The following RAB31 variants were observed in gnomAD, a reference collection of about 807,000 sequenced individuals.
The protein encoded by RAB31 is ras-related protein Rab-31.
RAB31 carries 21 observed loss-of-function variants against 25.6 expected under a neutral mutation model. That is an observed-to-expected ratio of 0.82 (90% CI 0.58 to 1.18). RAB31 has a LOEUF of 1.18. Ranked by LOEUF, RAB31 falls within the 50% of genes most tolerant of loss-of-function variation. The probability of loss-of-function intolerance (pLI) is 0.00; values close to 1 mark genes in which losing one functional copy is unlikely to be tolerated. For missense variants in RAB31, 196 were observed against 250.1 expected, an observed-to-expected ratio of 0.78 and a Z score of 1.46; for synonymous variants, 87 against 84.0, an observed-to-expected ratio of 1.04 and a Z score of -0.20.
intron 1 of RAB31, among the ~76,000 whole-genome samples, chr18:9,744,195 A>C (rs932421895): frequency 6.6e-6 from 1 of 152,232 alleles, no homozygotes; most frequent in Non-Finnish European, 1.5e-5. Flanking sequence ...CATTGTGTAG[A>C]GCATACCCTT....
intron 3 of RAB31, among the ~76,000 whole-genome samples, chr18:9,805,157 G>A (rs1211054025): frequency 3.3e-5 from 5 of 151,890 alleles, no homozygotes; most frequent in South Asian, 2.1e-4. Context: ...TCAGGAGACC[G>A]AGACAGGAGG....
At chr18:9,812,687 CTATTTTTTTTT>C (rs1258359073) in intron 3 of RAB31, among the ~76,000 whole-genome samples, 12 of 100,900 alleles carry the variant, frequency 1.2e-4, no homozygotes, top group Non-Finnish European at 2.1e-4. Flanking sequence ...CTCCAGGATA[CTATTTTTTTTT>C]TTTTTTTTTT....
intron 5 of RAB31, among the ~76,000 whole-genome samples, chr18:9,818,310 T>C (rs2068609263): frequency 6.6e-6 from 1 of 152,230 alleles, no homozygotes. Flanking sequence ...TCATCTCATA[T>C]CTAATTTTAG....
chr18:9,827,532 T>C (rs754326572), intron 5 of RAB31, among the ~76,000 whole-genome samples: 1 of 151,106 alleles, frequency 6.6e-6, no homozygotes. Flanking sequence ...GCTGTTCTCA[T>C]GCACTCTCGC....
At chr18:9,709,392 G>A (rs1378527) in intron 1 of RAB31, among the ~76,000 whole-genome samples, 6 of 152,058 alleles carry the variant, frequency 3.9e-5, no homozygotes, top group African/African-American at 1.4e-4. Flanking sequence ...TGGTGTACCC[G>A]CCCGTGTCAT....
intron 4 of RAB31, 70 bp downstream of exon 4, chr18:9,814,161 A>T: frequency 6.0e-6 from 7 of 1,161,362 alleles, no homozygotes; most frequent in Non-Finnish European, 8.8e-6. Context: ...ACTGGAGCAG[A>T]GACGTCACTG....
intron 2 of RAB31, among the ~76,000 whole-genome samples, chr18:9,786,106 A>G (rs1331319674): frequency 1.3e-5 from 2 of 152,034 alleles, no homozygotes; most frequent in Admixed American, 6.6e-5. Flanking sequence ...GAGAATGCCT[A>G]TGTAATGAAG....
intron 2 of RAB31, among the ~76,000 whole-genome samples, chr18:9,783,586 G>C (rs1599036815): frequency 6.6e-6 from 1 of 152,132 alleles, no homozygotes; most frequent in South Asian, 2.1e-4. Flanking sequence ...AATTTTGATA[G>C]AGTTGTCTAA....
chr18:9,762,104 G>A (rs537588210), intron 1 of RAB31, among the ~76,000 whole-genome samples: 285 of 152,152 alleles, frequency 1.9e-3, no homozygotes, highest in Non-Finnish European at 3.1e-3. Flanking sequence ...CACCATGCCC[G>A]GCCACCAGTA....
rs6506697 is a variant in RAB31 at position 9,775,375 on chromosome 18, A to G, written c.119+18A>G. 1,018,959 of 1,612,736 alleles carry G rather than the reference A, an allele frequency of 0.63. 324,493 individuals are homozygous for G. Among genetic ancestry groups the G allele is most frequent in the African/African-American group, 0.82 (61,347 of 74,948 alleles). Reference sequence around the variant, plus strand: ...ACTATTGGGTAAGTTCCTGTATGTCATTCTCCTTCGCGTTGCTTCCTTTCA... The same window carrying G: ...ACTATTGGGTAAGTTCCTGTATGTCGTTCTCCTTCGCGTTGCTTCCTTTCA... On this transcript the variant is annotated intron_variant, in intron 2 of 6. Transcript: ENST00000578921.
At chr18:9,752,146 G>T (rs1231897116) in intron 1 of RAB31, among the ~76,000 whole-genome samples, 2 of 152,216 alleles carry the variant, frequency 1.3e-5, no homozygotes, top group East Asian at 1.9e-4. Flanking sequence ...TGCGTGGAAG[G>T]ACATGCTGAG....
At chr18:9,781,721 T>C (rs781189793) in intron 2 of RAB31, among the ~76,000 whole-genome samples, 4 of 152,190 alleles carry the variant, frequency 2.6e-5, no homozygotes, top group African/African-American at 4.8e-5. Context: ...GATTTAAAAA[T>C]TGATGAAAAT....
At chr18:9,795,714 A>G (rs2068483873) in intron 3 of RAB31, among the ~76,000 whole-genome samples, 2 of 152,230 alleles carry the variant, frequency 1.3e-5, no homozygotes, top group Admixed American at 1.3e-4. Context: ...AACGACTATA[A>G]TCAAAAAATC....
intron 5 of RAB31, among the ~76,000 whole-genome samples, chr18:9,817,565 G>C (rs2068605215): frequency 6.6e-6 from 1 of 152,118 alleles, no homozygotes; most frequent in Non-Finnish European, 1.5e-5. Context: ...GGCCAAGAGG[G>C]GATTGGTAGT....
At chr18:9,791,122 C>T (rs2068457448) in intron 2 of RAB31, among the ~76,000 whole-genome samples, 1 of 152,124 alleles carries the variant, frequency 6.6e-6, no homozygotes, top group Non-Finnish European at 1.5e-5. Flanking sequence ...TGCCAATCAT[C>T]GTCCTTGCAT....
At chr18:9,845,767 A>G in intron 6 of RAB31, 76 bp downstream of exon 6, 1 of 1,446,756 alleles carries the variant, frequency 6.9e-7, no homozygotes, top group Non-Finnish European at 9.1e-7. Flanking sequence ...ACATTTTAGA[A>G]CTCTGAAGTG....
At chr18:9,772,265 G>A (rs2068349169) in intron 1 of RAB31, among the ~76,000 whole-genome samples, 1 of 151,912 alleles carries the variant, frequency 6.6e-6, no homozygotes, top group South Asian at 2.1e-4. Context: ...GGCACGTGAG[G>A]GAACTGAGCA....
At chr18:9,802,843 C>T (rs575560836) in intron 3 of RAB31, among the ~76,000 whole-genome samples, 2 of 152,364 alleles carry the variant, frequency 1.3e-5, no homozygotes, top group African/African-American at 4.8e-5. Flanking sequence ...TCAGGCTTTA[C>T]AGACATCCAA....
intron 1 of RAB31, among the ~76,000 whole-genome samples, chr18:9,719,767 T>C (rs2068065126): frequency 6.6e-6 from 1 of 152,210 alleles, no homozygotes. Flanking sequence ...CTTCACACGA[T>C]GAGTCATCAG....
Sources: gnomAD v4.1 joint callset for allele counts (sites outside exome capture counted in the v4.1 genomes callset) on GRCh38, gnomAD v4.1.1 for gene constraint, MANE v1.5 for transcripts, NCBI Gene and HGNC (gene_info 2026-07-23, HGNC 2026-07-21) for gene names.